The following TBC1D16 variants were observed in gnomAD, a reference collection of about 807,000 sequenced individuals.
TBC1D16 encodes the protein TBC1 domain family member 16.
TBC1D16 carries 58 observed loss-of-function variants against 74.7 expected under a neutral mutation model. That is an observed-to-expected ratio of 0.78 (90% confidence interval 0.63 to 0.97). The LOEUF is 0.97. Ranked by LOEUF, TBC1D16 falls within the 50% of genes least tolerant of loss-of-function variation. The probability of loss-of-function intolerance (pLI) is 0.00; values close to 1 mark genes in which losing one functional copy is unlikely to be tolerated. For missense variants in TBC1D16, 1,014 were observed against 1,079.5 expected, an observed-to-expected ratio of 0.94 and a Z score of 0.85; for synonymous variants, 493 against 474.7, an observed-to-expected ratio of 1.04 and a Z score of -0.50.
At chr17:79,946,655 C>T (rs12451638) in intron 9 of TBC1D16, among the ~76,000 whole-genome samples, 16,081 of 152,264 alleles carry the variant, frequency 0.11, 1,235 homozygotes, top group Admixed American at 0.25. Flanking sequence ...TGGGGACCCC[C>T]GTTCTATGAG....
At chr17:79,999,751 C>G (rs1378968074) in intron 3 of TBC1D16, among the ~76,000 whole-genome samples, 1 of 151,940 alleles carries the variant, frequency 6.6e-6, no homozygotes, top group African/African-American at 2.4e-5. Context: ...ACTATGTTGG[C>G]CAGGCTGGTC....
rs1008121720 is a variant in TBC1D16 at position 80,013,490 on chromosome 17, G to A, written c.58C>T (p.Leu20Phe). The A allele has an allele frequency of 4.4e-6, 7 of 1,585,546 alleles. No individual in the cohort carries two copies. The Admixed American group carries it at 5.5e-5, about 12-fold the overall frequency. ...CCGCTGCCGCTGCCACCGGGGGTGA[G>A]GGTCAGGAGGTCCGAGGCTTTGGAG... ...ASSKASDLLT[L>F]TPGGSGSGSP... Residue 20 changes from leucine to phenylalanine, a missense_variant, in exon 2 of 12, where the codon CTC becomes TTC. Physicochemically the swap from Leu to Phe is conservative, Grantham distance 22. Coordinates refer to ENST00000310924, the MANE Select transcript of TBC1D16 (RefSeq NM_019020.4).
chr17:79,978,024 A>C (rs1393498915), intron 3 of TBC1D16, among the ~76,000 whole-genome samples: 1 of 152,188 alleles, frequency 6.6e-6, no homozygotes, highest in Non-Finnish European at 1.5e-5. Flanking sequence ...TTTCTGACAT[A>C]AGTGGCAATG....
chr17:80,028,785 AT>A (rs11307792), intron 1 of TBC1D16, among the ~76,000 whole-genome samples: 8,460 of 151,224 alleles, frequency 0.056, 725 homozygotes, highest in African/African-American at 0.19. Flanking sequence ...TAACTTTTGT[AT>A]TTTTTTTAGT....
chr17:80,027,672 G>A (rs200744877), intron 1 of TBC1D16, among the ~76,000 whole-genome samples: 4 of 151,192 alleles, frequency 2.6e-5, no homozygotes, highest in Non-Finnish European at 4.4e-5. Flanking sequence ...GCGGCAGATC[G>A]CTTGAGGTCA....
chr17:79,942,866 G>A (rs892057147), intron 10 of TBC1D16, among the ~76,000 whole-genome samples: 4 of 152,190 alleles, frequency 2.6e-5, no homozygotes, highest in African/African-American at 2.4e-5. Context: ...TGAGGACTCC[G>A]CAGCCCTCCC....
At chr17:79,949,595 T>C (rs573022689) in intron 7 of TBC1D16, 122 bp downstream of exon 7, 4 of 1,312,538 alleles carry the variant, frequency 3.0e-6, no homozygotes, top group African/African-American at 2.9e-5. Context: ...AGACCCATTT[T>C]TGAAAGAAAC....
chr17:80,012,293 C>T (rs1387329148), intron 2 of TBC1D16, among the ~76,000 whole-genome samples: 1 of 152,152 alleles, frequency 6.6e-6, no homozygotes, highest in African/African-American at 2.4e-5. Flanking sequence ...CCTGGTCTCT[C>T]TCTCTAGAAC....
chr17:79,979,328 G>A lies in TBC1D16; in HGVS notation c.780-26510C>T, dbSNP rs923246749. Among the ~76,000 whole-genome samples the A allele has an allele frequency of 7.2e-5, 11 of 152,002 alleles. No individual in the cohort carries two copies. The highest frequency in any genetic ancestry group is 5.9e-4 in the Admixed American group (9 of 15,248). ...CACGCCCAGAGCACACACGCTCCAG[G>A]GATGCACACCCACGCCCTGGACCCC... On this transcript the variant is annotated intron_variant, in intron 3 of 11. Coordinates refer to ENST00000310924, the MANE Select transcript of TBC1D16 (RefSeq NM_019020.4). This position sits in a 1 kb window ranked among gnomAD's most constrained non-coding sequence, Gnocchi z 4.8.
intron 1 of TBC1D16, chr17:80,023,784 A>G (rs1598441228): frequency 6.7e-6 from 1 of 149,296 alleles, no homozygotes; most frequent in African/African-American, 2.6e-5. Flanking sequence ...GGCCGCCCTC[A>G]TCTCCCACCT....
intron 1 of TBC1D16, among the ~76,000 whole-genome samples, chr17:80,028,590 A>C (rs2036667442): frequency 6.6e-6 from 1 of 151,502 alleles, no homozygotes; most frequent in African/African-American, 2.4e-5. Flanking sequence ...GTCAATGCTG[A>C]TTCTAAACCA....
intron 1 of TBC1D16, among the ~76,000 whole-genome samples, chr17:80,021,034 C>A (rs578240482): frequency 1.3e-5 from 2 of 150,096 alleles, no homozygotes; most frequent in South Asian, 4.2e-4. Context: ...GGGTGGATCA[C>A]CTGAGGTCGG....
intron 9 of TBC1D16, among the ~76,000 whole-genome samples, chr17:79,946,704 G>A (rs534965525): frequency 6.6e-6 from 1 of 152,332 alleles, no homozygotes; most frequent in Admixed American, 6.5e-5. Context: ...CCCTCCATCA[G>A]CTCCACCCTC....
chr17:80,024,037 G>C (rs1157885765), intron 1 of TBC1D16: 1 of 148,172 alleles, frequency 6.7e-6, no homozygotes, highest in Non-Finnish European at 1.5e-5. Context: ...CCCTCGGCGA[G>C]TGCGGGCGGG....
rs1023344399 is a variant in TBC1D16 at position 79,971,557 on chromosome 17, T to A, written c.780-18739A>T. ...ACACACTTGAAGGTATCTTCCCATGTTGCTGGTAGACACCATTTTGGAATA... is the reference window on the plus strand; with the variant it reads ...ACACACTTGAAGGTATCTTCCCATGATGCTGGTAGACACCATTTTGGAATA... On this transcript the variant is annotated intron_variant, in intron 3 of 11. Transcript: ENST00000310924. This position sits in a 1 kb window ranked among gnomAD's most constrained non-coding sequence, Gnocchi z 4.6. Among the ~76,000 whole-genome samples the A allele has an allele frequency of 2.0e-4, 30 of 152,220 alleles. No homozygotes were observed. Among genetic ancestry groups the A allele is most frequent in the African/African-American group, 7.0e-4 (29 of 41,454 alleles).
At chr17:80,017,889 C>T (rs2036147858) in intron 1 of TBC1D16, among the ~76,000 whole-genome samples, 2 of 152,098 alleles carry the variant, frequency 1.3e-5, no homozygotes, top group South Asian at 2.1e-4. Flanking sequence ...TTGGCCTAAA[C>T]ACTTCATCCC....
Position 79,939,495 on chromosome 17 carries a change from C to G in TBC1D16, c.*1364G>C, listed in dbSNP as rs981435466. 1.3e-5 allele frequency: 2 copies of G among 152,200 alleles called. No individual in the cohort carries two copies. Among genetic ancestry groups the G allele is most frequent in the African/African-American group, 4.8e-5 (2 of 41,448 alleles). The allele number at this position is 152,200 out of a possible 1,614,324, so 9.4% of individuals were successfully genotyped here. On this transcript the variant is annotated 3_prime_UTR_variant, in exon 12 of 12. Coordinates refer to ENST00000310924, the MANE Select transcript of TBC1D16 (RefSeq NM_019020.4). ...GGAAGAAGCCTTCTATCCTGGTCCC[C>G]ATGATGGTTCTCAGCACATCAAGGG... is the stretch of plus-strand genomic sequence containing the variant.
At position 79,994,580 on chromosome 17, in the gene TBC1D16, C is replaced by T. The variant is rs561347605; in HGVS notation, c.779+15580G>A. Among the ~76,000 whole-genome samples the T allele has an allele frequency of 2.0e-4, 31 of 152,270 alleles. No homozygotes were observed. The highest frequency in any genetic ancestry group is 3.9e-4 in the East Asian group (2 of 5,172). On this transcript the variant is annotated intron_variant, in intron 3 of 11. Coordinates refer to ENST00000310924, the MANE Select transcript of TBC1D16 (RefSeq NM_019020.4). The surrounding 1 kb of genome is among the most constrained non-coding windows in gnomAD (Gnocchi z 4.6). Reference sequence around the variant, plus strand: ...CTGGGATTACAGGTGTCTGCCACCACGCCCGGCTAATTTTTGTATTTTTAA... The same window carrying T: ...CTGGGATTACAGGTGTCTGCCACCATGCCCGGCTAATTTTTGTATTTTTAA...
rs1367145101 is a variant in TBC1D16 at position 79,939,695 on chromosome 17, C to A, written c.*1164G>T. ...TAAATCCCAGAAGGAGCAACTGATA[C>A]ACAATCTTTTGGAAGAGGGAGAGTC... On this transcript the variant is annotated 3_prime_UTR_variant, in exon 12 of 12. Transcript: ENST00000310924. 6.6e-6 allele frequency: 1 copy of A among 152,206 alleles called. No individual in the cohort carries two copies. The highest frequency in any genetic ancestry group is 1.5e-5 in the Non-Finnish European group (1 of 68,042). The allele number at this position is 152,206 out of a possible 1,614,324, so 9.4% of individuals were successfully genotyped here.
Sources: allele counts gnomAD v4.1 joint callset (sites outside exome capture counted in the v4.1 genomes callset), GRCh38; gene constraint gnomAD v4.1.1; non-coding constraint Gnocchi (gnomAD v3.1); transcripts MANE v1.5; gene names NCBI Gene and HGNC (gene_info 2026-07-23, HGNC 2026-07-21).